Variants in TSPAN12 observed in about 807,000 individuals in gnomAD.
TSPAN12 encodes tetraspanin-12.
Under a neutral mutation model 39.2 loss-of-function variants are expected in TSPAN12, and 19 were observed. That is an observed-to-expected ratio of 0.49 (90% CI 0.34 to 0.71). The LOEUF (loss-of-function observed/expected upper bound fraction) is 0.71, where lower values mean the gene tolerates loss of function less well. TSPAN12 is among the 30% of genes least tolerant of loss of function. The pLI, the probability that TSPAN12 is intolerant of heterozygous loss-of-function variation, is 0.01. For synonymous variants in TSPAN12, 119 were observed against 124.8 expected, an observed-to-expected ratio of 0.95 and a Z score of 0.31; for missense variants, 314 against 359.9, an observed-to-expected ratio of 0.87 and a Z score of 1.03.
rs557384760 is a variant in TSPAN12, at chr7:120,812,956, T to C, written c.361-2386A>G. ...TTACTTGATTTAGTTAATATATCAA[T>C]TTTTTTAAACTTTACCTTCTAAAAT... is the stretch of plus-strand genomic sequence containing the variant. On this transcript the variant is annotated intron_variant, in intron 5 of 7. Coordinates refer to ENST00000222747, the MANE Select transcript of TSPAN12 (RefSeq NM_012338.4). Among the ~76,000 whole-genome samples, 14 of 152,278 alleles carry C rather than the reference T, an allele frequency of 9.2e-5. No individual in the cohort carries two copies. The South Asian group carries it at 2.7e-3, about 29-fold the overall frequency.
intron 4 of TSPAN12, among the ~76,000 whole-genome samples, chr7:120,816,658 G>A (rs1794089705): frequency 6.6e-6 from 1 of 152,080 alleles, no homozygotes. Context: ...CCAGATTATG[G>A]TGAACTTTAA....
At chr7:120,828,461 T>C (rs528641200) in intron 4 of TSPAN12, among the ~76,000 whole-genome samples, 1 of 152,260 alleles carries the variant, frequency 6.6e-6, no homozygotes, top group Non-Finnish European at 1.5e-5. Context: ...AGCTTTCCAG[T>C]GTTATCACAA....
At chr7:120,800,746 TTTTTTTTG>T (rs1291948568) in intron 7 of TSPAN12, among the ~76,000 whole-genome samples, 1 of 141,688 alleles carries the variant, frequency 7.1e-6, no homozygotes, top group African/African-American at 2.6e-5. Flanking sequence ...TCCTTATCGT[TTTTTTTTG>T]TTTTTTTTTT....
At chr7:120,807,274 G>A (rs1006551837) in intron 6 of TSPAN12, among the ~76,000 whole-genome samples, 1 of 152,058 alleles carries the variant, frequency 6.6e-6, no homozygotes, top group Non-Finnish European at 1.5e-5. Context: ...TGAAATAAAT[G>A]TTCATATTCT....
rs1394398754 is a variant in TSPAN12, at chr7:120,787,999, AC to A, written c.*592del. 6.4e-6 allele frequency: 1 copy of A among 155,654 alleles called. No homozygotes were observed. Among genetic ancestry groups the A allele is most frequent in the Non-Finnish European group, 1.4e-5 (1 of 70,172 alleles). 9.6% of individuals were successfully genotyped at this position (155,654 alleles called of 1,614,324 possible). A position where few individuals can be genotyped will look rare whatever the true frequency, so the allele number is the denominator to read the frequency against. The stretch of plus-strand genomic sequence containing the variant: ...ATACAGATTTAACACAGACTTATAT[AC>A]AAAAAATCCCTGATCAGCTTAAGAC... On this transcript the variant is annotated 3_prime_UTR_variant, in exon 8 of 8. Transcript: ENST00000222747.
chr7:120,804,852 A>G (rs1001062132), intron 7 of TSPAN12, among the ~76,000 whole-genome samples: 2 of 152,108 alleles, frequency 1.3e-5, no homozygotes, highest in African/African-American at 4.8e-5. Flanking sequence ...GGAAAACACC[A>G]TGTGAAGATG....
chr7:120,828,450 G>T (rs1171159869), intron 4 of TSPAN12, among the ~76,000 whole-genome samples: 1 of 152,072 alleles, frequency 6.6e-6, no homozygotes, highest in Non-Finnish European at 1.5e-5. Flanking sequence ...AGCCCACTGT[G>T]AGCTTTCCAG....
At chr7:120,807,555 T>C (rs962916955) in intron 6 of TSPAN12, among the ~76,000 whole-genome samples, 4 of 152,074 alleles carry the variant, frequency 2.6e-5, no homozygotes, top group African/African-American at 7.2e-5. Flanking sequence ...GGGCAGTCAC[T>C]GAGAACTTTG....
chr7:120,806,870 C>A (rs976105499), intron 6 of TSPAN12, among the ~76,000 whole-genome samples, 178 bp from the exon 7 acceptor site: 2 of 152,046 alleles, frequency 1.3e-5, no homozygotes, highest in African/African-American at 4.8e-5. Flanking sequence ...CCATGGCTAA[C>A]GATTGCATAA....
chr7:120,803,711 C>A (rs1249157419), intron 7 of TSPAN12, among the ~76,000 whole-genome samples: 1 of 152,152 alleles, frequency 6.6e-6, no homozygotes, highest in Non-Finnish European at 1.5e-5. Flanking sequence ...TATTAAAATT[C>A]TTCAGATAAA....
chr7:120,796,334 T>C (rs1317835157), intron 7 of TSPAN12, among the ~76,000 whole-genome samples: 10 of 152,170 alleles, frequency 6.6e-5, no homozygotes, highest in Non-Finnish European at 1.0e-4. Flanking sequence ...CAAACGCACA[T>C]AACCAGAAAA....
intron 4 of TSPAN12, among the ~76,000 whole-genome samples, chr7:120,820,520 T>C (rs1392322197): frequency 6.6e-6 from 1 of 152,102 alleles, no homozygotes. Flanking sequence ...TCCAGTATTT[T>C]ACCTCCTATT....
chr7:120,845,374 G>A lies in TSPAN12; in HGVS notation c.67-5265C>T, dbSNP rs1006804697. 3.9e-5 allele frequency among the ~76,000 whole-genome samples: 6 copies of A among 152,184 alleles called. No individual in the cohort carries two copies. The South Asian group carries it at 6.2e-4, about 16-fold the overall frequency. On this transcript the variant is annotated intron_variant, in intron 2 of 7. Transcript: ENST00000222747. Reference sequence around the variant, plus strand: ...CTGCAGCCAGTTTGAATTCCTTTCCGGAAAATTAGTTTATCTTTTCTACCA... The same window carrying A: ...CTGCAGCCAGTTTGAATTCCTTTCCAGAAAATTAGTTTATCTTTTCTACCA...
chr7:120,789,895 CA>C (rs770539954), intron 7 of TSPAN12, among the ~76,000 whole-genome samples: 4 of 151,832 alleles, frequency 2.6e-5, no homozygotes, highest in Non-Finnish European at 4.4e-5. Context: ...TTTGTGTATA[CA>C]GTAAAGAAAC....
chr7:120,851,695 G>A (rs527780058), intron 2 of TSPAN12, among the ~76,000 whole-genome samples: 81 of 152,204 alleles, frequency 5.3e-4, no homozygotes, highest in South Asian at 5.0e-3. Flanking sequence ...TAATAAAAGC[G>A]TATAAATTTG....
At chr7:120,821,108 ATAAAG>A (rs1794179676) in intron 4 of TSPAN12, among the ~76,000 whole-genome samples, 1 of 152,174 alleles carries the variant, frequency 6.6e-6, no homozygotes, top group African/African-American at 2.4e-5. Flanking sequence ...TATTTCCATT[ATAAAG>A]TATTTTACTT....
rs1204723591 is a variant in TSPAN12 at position 120,838,900 on chromosome 7, T to G, written c.162A>C (p.Ala54=). 1 of 1,613,994 alleles carries G rather than the reference T, an allele frequency of 6.2e-7. No individual in the cohort carries two copies. The highest frequency in any genetic ancestry group is 8.5e-7 in the Non-Finnish European group (1 of 1,179,940). The change falls in exon 4 of 8, where the codon GCA becomes GCC. Residue 54 remains alanine, a synonymous_variant. Transcript: ENST00000222747. ...TLTAETRVEE[A]VILTYFPVVH... The stretch of plus-strand genomic sequence containing the variant: ...CCACAGGAAAGTAAGTCAAAATGAC[T>G]GCTTCCTCTACCCTGAAAGAAGAAA...
In TSPAN12 at chr7:120,853,569, A is replaced by G. The variant is rs181245435; in HGVS notation, c.66+3129T>C. Among the ~76,000 whole-genome samples the G allele has an allele frequency of 4.0e-5, 6 of 149,580 alleles. No individual in the cohort carries two copies. The East Asian group carries it at 1.2e-3, about 29-fold the overall frequency. On this transcript the variant is annotated intron_variant, in intron 2 of 7. Transcript: ENST00000222747. ...AATATATTCGTATTTATACATATAA[A>G]ATCCTGTAGAAAATTATATTACAGG...
At chr7:120,806,935 C>T (rs1185915349) in intron 6 of TSPAN12, among the ~76,000 whole-genome samples, 1 of 152,088 alleles carries the variant, frequency 6.6e-6, no homozygotes, top group African/African-American at 2.4e-5. Flanking sequence ...TCAGGCATGA[C>T]TGAGACTCAC....
Sources: gnomAD v4.1 joint callset for allele counts (sites outside exome capture counted in the v4.1 genomes callset) on GRCh38, gnomAD v4.1.1 for gene constraint, MANE v1.5 for transcripts, NCBI Gene and HGNC (gene_info 2026-07-23, HGNC 2026-07-21) for gene names.